The following FRMPD4 variants were observed in gnomAD, a reference collection of about 807,000 sequenced individuals.
FRMPD4 encodes FERM and PDZ domain containing 4, also known as FERM and PDZ domain-containing protein 4.
FRMPD4 carries 22 observed loss-of-function variants against 94.1 expected under a neutral mutation model. That is an observed-to-expected ratio of 0.23 (90% CI 0.17 to 0.33). The LOEUF (loss-of-function observed/expected upper bound fraction) is 0.33, where lower values mean the gene tolerates loss of function less well. FRMPD4 is among the 10% of genes least tolerant of loss of function. The probability of loss-of-function intolerance (pLI) is 1.00; values close to 1 mark genes in which losing one functional copy is unlikely to be tolerated. For synonymous variants in FRMPD4, 631 were observed against 548.6 expected (o/e 1.15, Z -2.10); for missense variants, 1,111 against 1,339.9 (o/e 0.83, Z 2.67).
At chrX:12,477,856 T>C (rs2057623470) in intron 1 of FRMPD4, among the ~76,000 whole-genome samples, 1 of 112,702 alleles carries the variant, frequency 8.9e-6, no homozygotes. Context: ...AAAAATGATC[T>C]GGAGGAACTT....
Position 12,718,085 on chromosome X carries a change from C to T in FRMPD4, c.3259C>T (p.Arg1087Cys), listed in dbSNP as rs141229690. Residue 1087 changes from arginine (R) to cysteine (C), a missense_variant, in exon 16 of 17, where the codon CGC becomes TGC. Around this residue, in one of 8 missense-constraint regions of FRMPD4, gnomAD observed 551 missense variants for 591.6 expected, o/e 0.93. Transcript: ENST00000675598. Reference protein sequence around the residue: ...STFNLERTAFRKDSQRWYVAT... With the variant: ...STFNLERTAFCKDSQRWYVAT... ...TTTTAATCTGGAGAGAACTGCCTTT[C>T]GCAAGGACAGTCAAAGATGGTATGT... The T allele has an allele frequency of 5.3e-5, 64 of 1,208,805 alleles. No individual in the cohort carries two copies. Among genetic ancestry groups the T allele is most frequent in the South Asian group, 4.6e-4 (26 of 56,779 alleles).
At position 12,553,464 on chromosome X, in the gene FRMPD4, A is replaced by C. The variant is rs867056210; in HGVS notation, c.158+54668A>C. On this transcript the variant is annotated intron_variant, in intron 2 of 16. Transcript: ENST00000675598. ...TATATATATATATATATATATATATATATCTAATCCACTAATTTATTTGCA... is the reference window on the plus strand; with the variant it reads ...TATATATATATATATATATATATATCTATCTAATCCACTAATTTATTTGCA... Among the ~76,000 whole-genome samples the C allele has an allele frequency of 6.1e-4, 55 of 90,207 alleles. 2 individuals are homozygous for C. Among genetic ancestry groups the C allele is most frequent in the Middle Eastern group, 0.011 (2 of 184 alleles). 78.3% of individuals were successfully genotyped at this position (90,207 alleles called of 115,157 possible).
chrX:12,453,268 A>C (rs969726941), intron 1 of FRMPD4, among the ~76,000 whole-genome samples: 2 of 111,920 alleles, frequency 1.8e-5, no homozygotes, highest in Non-Finnish European at 3.8e-5. Context: ...CTTCTTGAAA[A>C]GCAGATATAT....
intron 1 of FRMPD4, among the ~76,000 whole-genome samples, chrX:12,174,877 T>C (rs1318003774): frequency 8.9e-6 from 1 of 112,296 alleles, no homozygotes; most frequent in African/African-American, 3.2e-5. Context: ...CTCTTATCTT[T>C]TAAAAATGTA....
rs1303670158 is a variant in FRMPD4 at position 12,640,313 on chromosome X, A to AG, written c.422+25432_422+25433insG. ...GGCTGTCTCAAAAAAAAAAAAAAAA[A>AG]AAAAAAAAAGGTAGTAAGGAGAGAA... On this transcript the variant is annotated intron_variant, in intron 4 of 16. Transcript: ENST00000675598. Among the ~76,000 whole-genome samples the AG allele has an allele frequency of 4.0e-4, 43 of 107,281 alleles. 1 individual carries two copies. Among genetic ancestry groups the AG allele is most frequent in the African/African-American group, 7.5e-4 (22 of 29,200 alleles). 93.2% of individuals were successfully genotyped at this position (107,281 alleles called of 115,157 possible).
intron 2 of FRMPD4, among the ~76,000 whole-genome samples, chrX:12,533,960 G>T (rs1344929394): frequency 8.9e-6 from 1 of 112,862 alleles, no homozygotes; most frequent in African/African-American, 3.2e-5. Flanking sequence ...GAGACAGTGG[G>T]GAAAATGTCT....
chrX:11,825,877 T>C (rs2053441140), intron 1 of FRMPD4, among the ~76,000 whole-genome samples: 1 of 112,619 alleles, frequency 8.9e-6, no homozygotes, highest in South Asian at 3.6e-4. Flanking sequence ...AAGCTAAGAC[T>C]ATTGTGTAGC....
In FRMPD4 at chrX:12,669,042, G is replaced by A. The variant is rs745862402; in HGVS notation, c.423-5821G>A. ...TGTGTATTTCCTTCCCTTTTAGTTTGGGTGGGGCCTGTGACTTGCTTTCTA... is the reference window on the plus strand; with the variant it reads ...TGTGTATTTCCTTCCCTTTTAGTTTAGGTGGGGCCTGTGACTTGCTTTCTA... On this transcript the variant is annotated intron_variant, in intron 4 of 16. Coordinates refer to ENST00000675598, the MANE Select transcript of FRMPD4 (RefSeq NM_001368397.1). 2.7e-5 allele frequency among the ~76,000 whole-genome samples: 3 copies of A among 111,972 alleles called. No homozygotes were observed. The South Asian group carries it at 1.1e-3, about 42-fold the overall frequency.
In FRMPD4 at chrX:12,341,786, A is replaced by G. The variant is rs1407143734; in HGVS notation, c.42-156894A>G. ...TGTCTCCCAACAAAATGTATGAACA[A>G]CCTGTGATTCAAGGAACTTTAAAAA... On this transcript the variant is annotated intron_variant, in intron 1 of 16. Coordinates refer to ENST00000675598, the MANE Select transcript of FRMPD4 (RefSeq NM_001368397.1). 5.1e-5 allele frequency: 10 copies of G among 195,757 alleles called. No homozygotes were observed. In the East Asian group the frequency reaches 1.2e-3, roughly 23 times the overall value. The allele number at this position is 195,757 out of a possible 1,213,427, so 16.1% of individuals were successfully genotyped here.
At chrX:12,689,719 G>A (rs868728796) in intron 7 of FRMPD4, among the ~76,000 whole-genome samples, 22 of 112,545 alleles carry the variant, frequency 2.0e-4, no homozygotes, top group Admixed American at 5.7e-4. Flanking sequence ...TAAACAAATG[G>A]GTATGACCAC....
At chrX:12,387,310 C>T in intron 1 of FRMPD4, among the ~76,000 whole-genome samples, 1 of 112,334 alleles carries the variant, frequency 8.9e-6, no homozygotes, top group Non-Finnish European at 1.9e-5. Context: ...CACCATTTCA[C>T]GCAGACCTGG....
chrX:11,951,043 G>T (rs1277902488), intron 3 of FRMPD4, among the ~76,000 whole-genome samples: 1 of 68,322 alleles, frequency 1.5e-5, no homozygotes, highest in African/African-American at 5.8e-5. Flanking sequence ...TTGGCAACAA[G>T]AGTGAAACTC....
chrX:12,640,879 G>C (rs1445450110), intron 4 of FRMPD4, among the ~76,000 whole-genome samples: 2 of 111,333 alleles, frequency 1.8e-5, no homozygotes, highest in Non-Finnish European at 3.8e-5. Flanking sequence ...CCCAAAGTAT[G>C]ACCATTAAAA....
chrX:12,468,793 C>G (rs372474266), intron 1 of FRMPD4, among the ~76,000 whole-genome samples: 2 of 111,755 alleles, frequency 1.8e-5, no homozygotes, highest in Non-Finnish European at 3.8e-5. Context: ...TGAAAGCACA[C>G]AGAAATTTTT....
intron 1 of FRMPD4, among the ~76,000 whole-genome samples, chrX:12,179,553 G>T (rs1490160067): frequency 2.7e-5 from 3 of 111,647 alleles, no homozygotes; most frequent in Non-Finnish European, 5.7e-5. Context: ...AAAATGGGAG[G>T]TTTTCCATAT....
intron 1 of FRMPD4, among the ~76,000 whole-genome samples, chrX:12,481,021 G>A (rs2057674613): frequency 9.0e-6 from 1 of 111,628 alleles, no homozygotes; most frequent in South Asian, 3.9e-4. Flanking sequence ...GAGGTAGAGA[G>A]TCAACTCAGG....
At chrX:11,980,856 T>C (rs1349729298) in intron 3 of FRMPD4, among the ~76,000 whole-genome samples, 1 of 111,968 alleles carries the variant, frequency 8.9e-6, no homozygotes, top group Non-Finnish European at 1.9e-5. Flanking sequence ...CTTCCAGACA[T>C]GGTTTTTTTT....
intron 8 of FRMPD4, among the ~76,000 whole-genome samples, chrX:12,692,090 A>G (rs951052606): frequency 8.9e-6 from 1 of 112,353 alleles, no homozygotes; most frequent in Non-Finnish European, 1.9e-5. Context: ...TATCTACTAC[A>G]TAGCCATTAT....
At chrX:11,965,561 T>C (rs1473327726) in intron 3 of FRMPD4, among the ~76,000 whole-genome samples, 2 of 112,211 alleles carry the variant, frequency 1.8e-5, no homozygotes, top group Admixed American at 1.9e-4. Context: ...GAACATGTTC[T>C]TCTCATTGTC....
Sources: gnomAD v4.1 joint callset for allele counts (sites outside exome capture counted in the v4.1 genomes callset) on GRCh38, gnomAD v4.1.1 for gene constraint, gnomAD v4.1.1 regional missense constraint, MANE v1.5 for transcripts, NCBI Gene and HGNC (gene_info 2026-07-23, HGNC 2026-07-21) for gene names.